BRD9: variants seen among roughly 807,000 people sequenced by gnomAD.
The protein encoded by BRD9 is bromodomain containing 9, also known as bromodomain-containing protein 9.
In BRD9, 47 loss-of-function variants were observed where a neutral mutation model predicts 68.7. The observed-to-expected ratio is 0.68, with a 90% confidence interval of 0.54 to 0.87. The LOEUF (loss-of-function observed/expected upper bound fraction) is 0.87. Among genes scored for constraint, BRD9 ranks in the 40% least tolerant of loss-of-function variants. The probability of loss-of-function intolerance (pLI) is 0.00; values close to 1 mark genes in which losing one functional copy is unlikely to be tolerated. For synonymous variants in BRD9, 313 were observed against 293.9 expected (o/e 1.06, Z -0.67); for missense variants, 670 against 748.4 (o/e 0.90, Z 1.22).
In BRD9 at chr5:889,037, G is replaced by T; in HGVS notation, c.590C>A (p.Ser197Ter). Residue 197 changes from serine (S) to a stop codon, truncating the protein, a stop_gained, in exon 5 of 16, where the codon TCA becomes TAA. Transcript: ENST00000467963. LOFTEE classifies it high-confidence loss of function. ...KDKIVANEYK[S>*]VTEFKADFKL... ...GTAACTTACCTTAAATTCCGTAACT[G>T]ACTTGTATTCATTAGCTACAATTTT... is the stretch of plus-strand genomic sequence containing the variant. 1 of 1,607,526 alleles carries T rather than the reference G, an allele frequency of 6.2e-7. No individual in the cohort carries two copies. Among genetic ancestry groups the T allele is most frequent in the Non-Finnish European group, 8.5e-7 (1 of 1,178,232 alleles).
At position 864,351 on chromosome 5, in the gene BRD9, G is replaced by A. The variant is rs72708957; in HGVS notation, c.*117C>T. On this transcript the variant is annotated 3_prime_UTR_variant, in exon 16 of 16. Coordinates refer to ENST00000467963, the MANE Select transcript of BRD9 (RefSeq NM_023924.5). ...CACAGACAATTCATTACCTCCCCGC[G>A]GCTGCTTCCCGCATGCCAAAGGGGA... 32,477 of 783,826 alleles carry A rather than the reference G, an allele frequency of 0.041. 807 individuals carry two copies. The highest frequency in any genetic ancestry group is 0.048 in the Non-Finnish European group (24,357 of 506,136). 48.6% of individuals were successfully genotyped at this position (783,826 alleles called of 1,614,324 possible).
intron 12 of BRD9, among the ~76,000 whole-genome samples, chr5:874,593 G>A (rs575700186): frequency 7.2e-5 from 11 of 152,262 alleles, no homozygotes; most frequent in Admixed American, 2.6e-4. Context: ...AAACAGAACC[G>A]GAAACGGCAG....
At chr5:889,194 A>G in intron 4 of BRD9, 29 bp from the exon 5 acceptor site, 1 of 1,595,708 alleles carries the variant, frequency 6.3e-7, no homozygotes, top group Non-Finnish European at 8.5e-7. Flanking sequence ...TAAAGCGGAA[A>G]AATCTAGATT....
intron 7 of BRD9, among the ~76,000 whole-genome samples, chr5:884,746 G>T (rs929074618): frequency 1.3e-5 from 2 of 152,272 alleles, no homozygotes; most frequent in South Asian, 4.1e-4. Context: ...CCCTGCCCAT[G>T]AGAGCGGCCC....
At position 892,697 on chromosome 5, in the gene BRD9, A is replaced by T; in HGVS notation, c.-40T>A. On this transcript the variant is annotated 5_prime_UTR_variant, in exon 1 of 16. Transcript: ENST00000467963. ...CGGGCCCGAGGCGGGGGCTGGGAAC[A>T]GCTGGCACCCGGTCGGACCTTGGCC... is the stretch of plus-strand genomic sequence containing the variant. 7.4e-7 allele frequency: 1 copy of T among 1,359,334 alleles called. No individual in the cohort carries two copies. The highest frequency in any genetic ancestry group is 9.5e-7 in the Non-Finnish European group (1 of 1,054,878). The allele number at this position is 1,359,334 out of a possible 1,614,324, so 84.2% of individuals were successfully genotyped here. A position where few individuals can be genotyped will look rare whatever the true frequency, so the allele number is the denominator to read the frequency against.
chr5:883,477 T>C, intron 8 of BRD9: 1 of 455,940 alleles, frequency 2.2e-6, no homozygotes, highest in Non-Finnish European at 4.4e-6. Flanking sequence ...CGTGGTCAGC[T>C]GAGTGGGCCC....
intron 12 of BRD9, among the ~76,000 whole-genome samples, chr5:872,798 A>G (rs1287726999): frequency 1.3e-5 from 2 of 152,252 alleles, no homozygotes; most frequent in African/African-American, 2.4e-5. Context: ...GATAAGCAAG[A>G]AGGTAACAGT....
chr5:889,218 A>G, intron 4 of BRD9, 53 bp from the exon 5 acceptor site: 2 of 1,561,540 alleles, frequency 1.3e-6, no homozygotes, highest in Non-Finnish European at 1.7e-6. Context: ...AAATGATACA[A>G]AATCTCTTAC....
chr5:891,771 C>G lies in BRD9; in HGVS notation c.136G>C (p.Gly46Arg). The change falls in exon 2 of 16, where the codon GGC becomes CGC. Residue 46 changes from glycine to arginine, a missense_variant. Physicochemically the swap from Gly to Arg is moderately radical, Grantham distance 125. Coordinates refer to ENST00000467963, the MANE Select transcript of BRD9 (RefSeq NM_023924.5). Reference sequence around the variant, plus strand: ...TCATCATAGTAACTGGAGTCGTGGCCGGATCCTGAGAGTTCAGTCACTTCA... The same window carrying G: ...TCATCATAGTAACTGGAGTCGTGGCGGGATCCTGAGAGTTCAGTCACTTCA... ...GSEVTELSGS[G>R]HDSSYYDDRS... 2 of 1,551,636 alleles carry G rather than the reference C, an allele frequency of 1.3e-6. No individual in the cohort carries two copies. The highest frequency in any genetic ancestry group is 1.7e-6 in the Non-Finnish European group (2 of 1,146,998).
chr5:867,733 C>A (rs1217216233), intron 14 of BRD9, among the ~76,000 whole-genome samples: 1 of 152,224 alleles, frequency 6.6e-6, no homozygotes, highest in East Asian at 1.9e-4. Flanking sequence ...TCTATTTACC[C>A]AATGTCTGTA....
chr5:888,969 A>G, intron 5 of BRD9, 52 bp downstream of exon 5: 2 of 1,558,480 alleles, frequency 1.3e-6, no homozygotes, highest in East Asian at 2.3e-5. Context: ...TTCACAAGAC[A>G]TGAATACACA....
intron 11 of BRD9, 137 bp downstream of exon 11, chr5:878,217 CG>C: frequency 7.8e-7 from 1 of 1,278,952 alleles, no homozygotes; most frequent in Non-Finnish European, 1.1e-6. Context: ...CTGAAAGCAA[CG>C]GGAAGACCCA....
chr5:889,646 G>T lies in BRD9; in HGVS notation c.402C>A (p.Ala134=), dbSNP rs758667843. The change falls in exon 4 of 16, where the codon GCC becomes GCA. Residue 134 remains alanine, a splice_region_variant and synonymous_variant. Coordinates refer to ENST00000467963, the MANE Select transcript of BRD9 (RefSeq NM_023924.5). ...RPVRACRTQP[A]ENESTPIQQL... Reference sequence around the variant, plus strand: ...GCTGAATAGGTGTGCTCTCATTTTCGGCTGACAATTTAAGGAAAAAAAAAT... The same window carrying T: ...GCTGAATAGGTGTGCTCTCATTTTCTGCTGACAATTTAAGGAAAAAAAAAT... 1.9e-6 allele frequency: 3 copies of T among 1,612,806 alleles called. No individual in the cohort carries two copies. The highest frequency in any genetic ancestry group is 2.5e-6 in the Non-Finnish European group (3 of 1,179,370).
chr5:877,905 C>T (rs984373933), intron 11 of BRD9, among the ~76,000 whole-genome samples: 1 of 152,100 alleles, frequency 6.6e-6, no homozygotes, highest in Non-Finnish European at 1.5e-5. Context: ...CGCAGGATGG[C>T]CCCGGGAAGG....
intron 12 of BRD9, among the ~76,000 whole-genome samples, chr5:872,641 G>T (rs143952161): frequency 6.6e-6 from 1 of 152,208 alleles, no homozygotes; most frequent in African/African-American, 2.4e-5. Context: ...CAGAGCTGCA[G>T]AAATCTGCTT....
intron 6 of BRD9, 109 bp from the exon 7 acceptor site, chr5:886,816 C>T: frequency 6.3e-7 from 1 of 1,574,812 alleles, no homozygotes; most frequent in Non-Finnish European, 8.6e-7. Flanking sequence ...TCCCTCACAG[C>T]CAGGGTGCCG....
At position 891,188 on chromosome 5, in the gene BRD9, C is replaced by G. The variant is rs779280779; in HGVS notation, c.367G>C (p.Asp123His). The change falls in exon 3 of 16, where the codon GAT becomes CAT. Residue 123 changes from aspartate to histidine, a missense_variant. Asp to His is a moderately conservative substitution (Grantham distance 81). Around this residue, in one of 5 missense-constraint regions of BRD9, gnomAD observed 161 missense variants for 148.1 expected, o/e 1.09. Transcript: ENST00000467963. ...GKKVEVEPPP[D>H]RPVRACRTQP... ...GTCCGGCACGCTCGGACTGGCCGAT[C>G]TGGGGGCGGCTCCACCTCCACCTTC... 1.3e-6 allele frequency: 2 copies of G among 1,551,692 alleles called. No homozygotes were observed. Among genetic ancestry groups the G allele is most frequent in the Admixed American group, 2.0e-5 (1 of 50,978 alleles).
intron 8 of BRD9, 180 bp downstream of exon 8, chr5:883,758 T>C (rs1752145623): frequency 2.3e-6 from 2 of 860,464 alleles, no homozygotes; most frequent in Non-Finnish European, 3.5e-6. Flanking sequence ...CAGAGGCACC[T>C]GGACCCCGAC....
rs1063602 is a variant in BRD9, at chr5:863,830, G to C, written c.*638C>G. ...CTTTCCCAGGCTCATCAATTAAACA[G>C]AAAACAGGGGAGCTCTCCTCACCCC... On this transcript the variant is annotated 3_prime_UTR_variant, in exon 16 of 16. Coordinates refer to ENST00000467963, the MANE Select transcript of BRD9 (RefSeq NM_023924.5). 2.0e-5 allele frequency: 3 copies of C among 152,300 alleles called. No individual in the cohort carries two copies. Among genetic ancestry groups the C allele is most frequent in the African/African-American group, 7.2e-5 (3 of 41,432 alleles). The allele number at this position is 152,300 out of a possible 1,614,324, so 9.4% of individuals were successfully genotyped here. A position where few individuals can be genotyped will look rare whatever the true frequency, so the allele number is the denominator to read the frequency against.
Sources: gnomAD v4.1 joint callset for allele counts (sites outside exome capture counted in the v4.1 genomes callset) on GRCh38, gnomAD v4.1.1 for gene constraint, gnomAD v4.1.1 regional missense constraint, MANE v1.5 for transcripts, NCBI Gene and HGNC (gene_info 2026-07-23, HGNC 2026-07-21) for gene names.